The following MACROD2 variants were observed in gnomAD, a reference collection of about 807,000 sequenced individuals.
MACROD2 encodes ADP-ribose glycohydrolase MACROD2.
In MACROD2, 36 loss-of-function variants were observed where a neutral mutation model predicts 70.4. That is an observed-to-expected ratio of 0.51 (90% CI 0.39 to 0.68). MACROD2 has a LOEUF of 0.68. Among genes scored for constraint, MACROD2 ranks in the 30% least tolerant of loss-of-function variants. The pLI is 0.00. For missense variants in MACROD2, 496 were observed against 538.4 expected (o/e 0.92, Z 0.78); for synonymous variants, 172 against 178.8 (o/e 0.96, Z 0.30).
At chr20:15,012,841 T>C (rs965629599) in intron 5 of MACROD2, among the ~76,000 whole-genome samples, 2 of 152,258 alleles carry the variant, frequency 1.3e-5, no homozygotes, top group African/African-American at 4.8e-5. Flanking sequence ...AATTGCAGTT[T>C]GAATGCAGCT....
chr20:15,792,523 GA>G (rs2083690752), intron 8 of MACROD2, among the ~76,000 whole-genome samples: 1 of 152,064 alleles, frequency 6.6e-6, no homozygotes, highest in Non-Finnish European at 1.5e-5. Context: ...ACAAGTTGCT[GA>G]AAAAGAAATA....
At chr20:14,737,419 T>G (rs1233078851) in intron 5 of MACROD2, among the ~76,000 whole-genome samples, 3 of 152,186 alleles carry the variant, frequency 2.0e-5, no homozygotes, top group Non-Finnish European at 4.4e-5. Context: ...AACATACATG[T>G]GCATGTGTCT....
intron 3 of MACROD2, among the ~76,000 whole-genome samples, chr20:14,137,613 T>C (rs1431670383): frequency 6.6e-6 from 1 of 152,146 alleles, no homozygotes; most frequent in Non-Finnish European, 1.5e-5. Flanking sequence ...TTATCCTACA[T>C]CATATACAAC....
At chr20:14,938,584 C>A (rs1452786350) in intron 5 of MACROD2, among the ~76,000 whole-genome samples, 1 of 152,018 alleles carries the variant, frequency 6.6e-6, no homozygotes, top group Non-Finnish European at 1.5e-5. Flanking sequence ...AGTTCAAGAC[C>A]AGCCTGGCCA....
At chr20:15,131,607 C>A (rs1328181694) in intron 5 of MACROD2, among the ~76,000 whole-genome samples, 1 of 151,974 alleles carries the variant, frequency 6.6e-6, no homozygotes, top group Non-Finnish European at 1.5e-5. Context: ...ATTTTGACAA[C>A]ATACAAAATT....
chr20:15,389,677 T>G (rs974916209), intron 6 of MACROD2, among the ~76,000 whole-genome samples: 1 of 152,224 alleles, frequency 6.6e-6, no homozygotes, highest in African/African-American at 2.4e-5. Context: ...ATGAATTATA[T>G]TAAAAGACAA....
chr20:14,515,070 C>T (rs1448059752), intron 4 of MACROD2, among the ~76,000 whole-genome samples: 1 of 151,750 alleles, frequency 6.6e-6, no homozygotes, highest in Admixed American at 6.6e-5. Flanking sequence ...TGAAGAAAAT[C>T]GTGAAAAAAG....
chr20:15,807,094 G>C (rs957260557), intron 8 of MACROD2, among the ~76,000 whole-genome samples: 2 of 152,112 alleles, frequency 1.3e-5, no homozygotes, highest in African/African-American at 4.8e-5. Flanking sequence ...TGTATTTCCA[G>C]AACATTTGTG....
intron 6 of MACROD2, among the ~76,000 whole-genome samples, chr20:15,373,258 T>C (rs1042509592): frequency 6.6e-6 from 1 of 152,186 alleles, no homozygotes; most frequent in Non-Finnish European, 1.5e-5. Context: ...CTACTCCAGA[T>C]TTAAATTTTC....
At chr20:15,672,670 C>T (rs2049997335) in intron 8 of MACROD2, among the ~76,000 whole-genome samples, 1 of 152,126 alleles carries the variant, frequency 6.6e-6, no homozygotes, top group South Asian at 2.1e-4. Context: ...AAGCCAAAGC[C>T]AGTGACATGC....
intron 6 of MACROD2, among the ~76,000 whole-genome samples, chr20:15,429,047 ATGAATC>A (rs946578749): frequency 2.0e-5 from 3 of 152,282 alleles, no homozygotes; most frequent in African/African-American, 7.2e-5. Flanking sequence ...AAATATGGGG[ATGAATC>A]TGAATCCTCT....
chr20:15,903,410 T>C (rs1483699095), intron 10 of MACROD2, among the ~76,000 whole-genome samples: 2 of 152,110 alleles, frequency 1.3e-5, no homozygotes, highest in Non-Finnish European at 2.9e-5. Context: ...AGAAGGTCCA[T>C]GTGACAGCAG....
intron 3 of MACROD2, among the ~76,000 whole-genome samples, chr20:14,213,373 A>AAAAAAC (rs2081586635): frequency 6.8e-6 from 1 of 147,856 alleles, no homozygotes; most frequent in African/African-American, 2.5e-5. Flanking sequence ...AAAAAAAAAA[A>AAAAAAC]AAAAAAAAAA....
rs192438973 is a variant in MACROD2, at chr20:14,454,480, A to G, written c.272-38999A>G. Among the ~76,000 whole-genome samples, 257 of 151,576 alleles carry G rather than the reference A, an allele frequency of 1.7e-3. 1 individual carries two copies. Among genetic ancestry groups the G allele is most frequent in the African/African-American group, 6.0e-3 (246 of 41,290 alleles). On this transcript the variant is annotated intron_variant, in intron 3 of 17. Coordinates refer to ENST00000684519, the MANE Select transcript of MACROD2 (RefSeq NM_001351661.2). ...TTCAGCTCTAAGTAACAGAATTCCT[A>G]ATTAACAGTGACTTACACAAGAGAG...
At chr20:14,325,689 C>T in intron 3 of MACROD2, 1 of 1,613,888 alleles carries the variant, frequency 6.2e-7, no homozygotes. Context: ...CAAACTCCTC[C>T]TTCGAGATGG....
chr20:15,032,115 T>C (rs1387447874), intron 5 of MACROD2, among the ~76,000 whole-genome samples: 1 of 152,178 alleles, frequency 6.6e-6, no homozygotes, highest in East Asian at 1.9e-4. Flanking sequence ...AACTTTGCTC[T>C]GAAATCAGAG....
chr20:15,092,439 A>G (rs560891835), intron 5 of MACROD2, among the ~76,000 whole-genome samples: 54 of 148,656 alleles, frequency 3.6e-4, no homozygotes, highest in Non-Finnish European at 6.7e-4. Context: ...AAATTTATAT[A>G]TTTATAACAT....
chr20:14,438,597 A>C (rs762105749), intron 3 of MACROD2, among the ~76,000 whole-genome samples: 9 of 152,180 alleles, frequency 5.9e-5, no homozygotes, highest in Non-Finnish European at 1.0e-4. Flanking sequence ...TTTTGATAAC[A>C]GTCATCCTAA....
At chr20:15,903,380 A>G (rs568267865) in intron 10 of MACROD2, among the ~76,000 whole-genome samples, 1 of 152,284 alleles carries the variant, frequency 6.6e-6, no homozygotes, top group South Asian at 2.1e-4. Context: ...GAGGCGTCTG[A>G]CTTACCCTAA....
Sources: gnomAD v4.1 joint callset for allele counts (sites outside exome capture counted in the v4.1 genomes callset) on GRCh38, gnomAD v4.1.1 for gene constraint, MANE v1.5 for transcripts, NCBI Gene and HGNC (gene_info 2026-07-23, HGNC 2026-07-21) for gene names.